TLK1: variants seen among roughly 807,000 people sequenced by gnomAD.
TLK1 encodes the protein tousled like kinase 1.
TLK1 carries 24 observed loss-of-function variants against 105.3 expected under a neutral mutation model. That is an observed-to-expected ratio of 0.23 (90% CI 0.17 to 0.32). The LOEUF (loss-of-function observed/expected upper bound fraction) is 0.32, where lower values mean the gene tolerates loss of function less well. Ranked by LOEUF, TLK1 falls within the 10% of genes least tolerant of loss-of-function variation. The probability of loss-of-function intolerance (pLI) is 1.00; values close to 1 mark genes in which losing one functional copy is unlikely to be tolerated. For synonymous variants in TLK1, 321 were observed against 310.4 expected, an observed-to-expected ratio of 1.03 and a Z score of -0.36; for missense variants, 558 against 910.5, an observed-to-expected ratio of 0.61 and a Z score of 4.98.
At chr2:171,012,458 A>G (rs1684963768) in intron 13 of TLK1, among the ~76,000 whole-genome samples, 1 of 152,158 alleles carries the variant, frequency 6.6e-6, no homozygotes, top group African/African-American at 2.4e-5. Context: ...GCTTTGCAAT[A>G]CTAATACACT....
intron 1 of TLK1, among the ~76,000 whole-genome samples, chr2:171,197,955 T>C (rs1411517095): frequency 6.6e-6 from 1 of 152,174 alleles, no homozygotes; most frequent in Non-Finnish European, 1.5e-5. Context: ...CACTAAATTA[T>C]GAAACAACTG....
chr2:171,048,456 T>TA (rs1474043405), intron 10 of TLK1, among the ~76,000 whole-genome samples: 10 of 152,234 alleles, frequency 6.6e-5, no homozygotes, highest in Admixed American at 1.3e-4. Context: ...GTTCATGCTT[T>TA]AATCACCTTT....
At chr2:171,004,299 G>A (rs1473851708) in intron 18 of TLK1, among the ~76,000 whole-genome samples, 1 of 151,864 alleles carries the variant, frequency 6.6e-6, no homozygotes, top group Non-Finnish European at 1.5e-5. Flanking sequence ...TGGTTCGTCA[G>A]TGAGATTTTT....
At position 171,082,785 on chromosome 2, in the gene TLK1, G is replaced by A; in HGVS notation, c.326C>T (p.Ser109Leu). 1 of 1,604,178 alleles carries A rather than the reference G, an allele frequency of 6.2e-7. No individual in the cohort carries two copies. Among genetic ancestry groups the A allele is most frequent in the Non-Finnish European group, 8.5e-7 (1 of 1,174,484 alleles). Residue 109 changes from serine to leucine, a missense_variant, in exon 3 of 21, where the codon TCA becomes TTA. By Grantham distance (145) the Ser-to-Leu change is moderately radical (BLOSUM62 -2). Around this residue, in one of 5 missense-constraint regions of TLK1, gnomAD observed 13 missense variants for 39.9 expected, o/e 0.33. Transcript: ENST00000431350. ...GSLGSLSDKE[S>L]ETPEKKQSES... ...ATTTAAAATGAAATTACTTACCTCTGATTCTTTGTCACTTAAAGATCCCAA... is the reference window on the plus strand; with the variant it reads ...ATTTAAAATGAAATTACTTACCTCTAATTCTTTGTCACTTAAAGATCCCAA...
intron 11 of TLK1, among the ~76,000 whole-genome samples, chr2:171,042,434 G>A (rs1040726212): frequency 1.3e-5 from 2 of 151,830 alleles, no homozygotes; most frequent in Non-Finnish European, 2.9e-5. Context: ...TTTTTGTAAG[G>A]ATAGGGTCTT....
At chr2:171,110,346 G>C (rs1690108701) in intron 2 of TLK1, among the ~76,000 whole-genome samples, 1 of 152,210 alleles carries the variant, frequency 6.6e-6, no homozygotes, top group Non-Finnish European at 1.5e-5. Context: ...GCACATGCCT[G>C]TAATCCCAGC....
At position 171,160,735 on chromosome 2, in the gene TLK1, C is replaced by T. The variant is rs1234165990; in HGVS notation, c.-307G>A. ...GGCGTCGAGGGGGTGCCAGCCGGGC[C>T]GGGGTCGGAGCGCGGGCGGAGCGCG... On this transcript the variant is annotated 5_prime_UTR_variant, in exon 1 of 21. Transcript: ENST00000431350. This position sits in a 1 kb window ranked among gnomAD's most constrained non-coding sequence, Gnocchi z 4.4. The T allele has an allele frequency of 2.2e-6, 1 of 445,448 alleles. No homozygotes were observed. The highest frequency in any genetic ancestry group is 3.9e-6 in the Non-Finnish European group (1 of 259,578). 27.6% of individuals were successfully genotyped at this position (445,448 alleles called of 1,614,324 possible). A position where few individuals can be genotyped will look rare whatever the true frequency, so the allele number is the denominator to read the frequency against.
intron 1 of TLK1, among the ~76,000 whole-genome samples, chr2:171,131,433 T>C (rs1323186176): frequency 1.3e-5 from 2 of 152,196 alleles, no homozygotes; most frequent in Non-Finnish European, 2.9e-5. Flanking sequence ...TGTATAACTC[T>C]AAAAGCTGCC....
chr2:171,178,369 A>G (rs1029852076), intron 1 of TLK1, among the ~76,000 whole-genome samples: 5 of 152,150 alleles, frequency 3.3e-5, no homozygotes, highest in African/African-American at 1.2e-4. Flanking sequence ...TTCAGTTTCC[A>G]CAGATATGCT....
At chr2:171,082,177 T>C (rs778016858) in intron 3 of TLK1, among the ~76,000 whole-genome samples, 4 of 151,830 alleles carry the variant, frequency 2.6e-5, no homozygotes, top group Non-Finnish European at 5.9e-5. Flanking sequence ...TTTTAAAAGA[T>C]GTCATCAAGT....
intron 1 of TLK1, among the ~76,000 whole-genome samples, chr2:171,152,019 C>T (rs1181738983): frequency 6.6e-6 from 1 of 152,156 alleles, no homozygotes; most frequent in East Asian, 1.9e-4. Flanking sequence ...CCCCTCTGAC[C>T]TTCACCAGAG....
chr2:171,123,877 G>A (rs1690763309), intron 1 of TLK1, among the ~76,000 whole-genome samples: 1 of 151,864 alleles, frequency 6.6e-6, no homozygotes, highest in African/African-American at 2.4e-5. Flanking sequence ...CTTTGAAAAT[G>A]TCTTTTAACA....
chr2:171,022,174 G>A (rs906059883), intron 12 of TLK1, among the ~76,000 whole-genome samples: 2 of 149,736 alleles, frequency 1.3e-5, no homozygotes, highest in African/African-American at 4.9e-5. Context: ...TTTGGTAGCT[G>A]AACATTATCT....
intron 1 of TLK1, among the ~76,000 whole-genome samples, chr2:171,208,714 A>G (rs1693554641): frequency 1.3e-5 from 2 of 152,254 alleles, no homozygotes; most frequent in African/African-American, 2.4e-5. Flanking sequence ...GGCATTTGAT[A>G]TTGACAACCA....
Position 171,005,745 on chromosome 2 carries a change from T to C in TLK1, c.1904+402A>G, listed in dbSNP as rs545290592. ...AATAAAATGAAAATTCCTGCAACCATATAACCTCCACAGAGAGGGCTTGAT... is the reference window on the plus strand; with the variant it reads ...AATAAAATGAAAATTCCTGCAACCACATAACCTCCACAGAGAGGGCTTGAT... On this transcript the variant is annotated intron_variant, in intron 18 of 20. Coordinates refer to ENST00000431350, the MANE Select transcript of TLK1 (RefSeq NM_012290.5). Among the ~76,000 whole-genome samples, 25 of 152,304 alleles carry C rather than the reference T, an allele frequency of 1.6e-4. No individual in the cohort carries two copies. The South Asian group carries it at 5.2e-3, about 32-fold the overall frequency.
intron 11 of TLK1, among the ~76,000 whole-genome samples, chr2:171,035,010 TAGTG>T (rs929426238): frequency 6.6e-5 from 10 of 152,050 alleles, no homozygotes; most frequent in African/African-American, 2.4e-4. Flanking sequence ...GTTCTCATGA[TAGTG>T]AGTGAGTCTC....
At chr2:171,182,935 A>AAAAGGAAGAAAG (rs1553487150) in intron 1 of TLK1, among the ~76,000 whole-genome samples, 28 of 128,838 alleles carry the variant, frequency 2.2e-4, no homozygotes, top group African/African-American at 8.0e-4. Flanking sequence ...AAAAAAAAAA[A>AAAAGGAAGAAAG]AAAGAAAGAA....
At chr2:171,117,660 T>C in intron 2 of TLK1, 79 bp downstream of exon 2, 2 of 1,128,606 alleles carry the variant, frequency 1.8e-6, no homozygotes, top group East Asian at 2.4e-5. Flanking sequence ...AAGCACGTTA[T>C]GTAGGAATCC....
chr2:171,213,630 G>GT (rs796290659), intron 1 of TLK1, among the ~76,000 whole-genome samples: 11 of 150,910 alleles, frequency 7.3e-5, no homozygotes, highest in African/African-American at 2.7e-4. Flanking sequence ...ACAAAAACAT[G>GT]TAAAAAAACA....
Sources: gnomAD v4.1 joint callset for allele counts (sites outside exome capture counted in the v4.1 genomes callset) on GRCh38, gnomAD v4.1.1 for gene constraint, gnomAD v4.1.1 regional missense constraint, Gnocchi (gnomAD v3.1) non-coding constraint, MANE v1.5 for transcripts, NCBI Gene and HGNC (gene_info 2026-07-23, HGNC 2026-07-21) for gene names.